Variants in TTC7B observed in about 807,000 individuals in gnomAD.
The protein encoded by TTC7B is tetratricopeptide repeat domain 7B, also known as tetratricopeptide repeat protein 7B.
Under a neutral mutation model 106.8 loss-of-function variants are expected in TTC7B, and 28 were observed. The ratio of observed to expected loss-of-function variants is 0.26; its 90% confidence interval spans 0.19 to 0.36. The LOEUF is 0.36. Ranked by LOEUF, TTC7B falls within the 10% of genes least tolerant of loss-of-function variation. The pLI, the probability that TTC7B is intolerant of heterozygous loss-of-function variation, is 1.00. For missense variants in TTC7B, 862 were observed against 1,076.4 expected (o/e 0.80, Z 2.79); for synonymous variants, 405 against 430.6 (o/e 0.94, Z 0.74).
chr14:90,726,898 C>T (rs1333130190), intron 5 of TTC7B, among the ~76,000 whole-genome samples: 1 of 152,142 alleles, frequency 6.6e-6, no homozygotes, highest in Non-Finnish European at 1.5e-5. Context: ...GATCTGGGTA[C>T]ATTCCAAGTC....
rs948834684 is a variant in TTC7B at position 90,709,592 on chromosome 14, C to T, written c.699-14014G>A. Among the ~76,000 whole-genome samples the T allele has an allele frequency of 7.3e-5, 11 of 149,774 alleles. No individual in the cohort carries two copies. In the East Asian group the frequency reaches 1.8e-3, roughly 24 times the overall value. On this transcript the variant is annotated intron_variant, in intron 5 of 19. Coordinates refer to ENST00000328459, the MANE Select transcript of TTC7B (RefSeq NM_001010854.2). ...AGGAGATATACCTAATGCTAAATGA[C>T]GAGTTAATGGGTGCAGCACACCAAC...
intron 5 of TTC7B, among the ~76,000 whole-genome samples, chr14:90,703,144 C>T (rs1411392739): frequency 1.3e-5 from 2 of 152,142 alleles, no homozygotes; most frequent in Non-Finnish European, 2.9e-5. Context: ...AGGGCGGGGT[C>T]CCCGTCAGCC....
Position 90,657,945 on chromosome 14 carries a change from T to C in TTC7B, c.1236+359A>G. ...ATCCAGTATCATGCACTGCCTAATATAACACATTGCTCAAGATAACCAACA... is the reference window on the plus strand; with the variant it reads ...ATCCAGTATCATGCACTGCCTAATACAACACATTGCTCAAGATAACCAACA... On this transcript the variant is annotated intron_variant, in intron 10 of 19. Coordinates refer to ENST00000328459, the MANE Select transcript of TTC7B (RefSeq NM_001010854.2). This position sits in a 1 kb window ranked among gnomAD's most constrained non-coding sequence, Gnocchi z 4.2. 1 of 295,580 alleles carries C rather than the reference T, an allele frequency of 3.4e-6. No individual in the cohort carries two copies. Among genetic ancestry groups the C allele is most frequent in the South Asian group, 3.3e-5 (1 of 29,912 alleles). The allele number at this position is 295,580 out of a possible 1,614,324, so 18.3% of individuals were successfully genotyped here.
chr14:90,748,494 A>AT (rs887876555), intron 3 of TTC7B, among the ~76,000 whole-genome samples: 81 of 145,746 alleles, frequency 5.6e-4, no homozygotes, highest in East Asian at 7.9e-4. Context: ...CACATGGCTA[A>AT]TTTTTTTTTT....
intron 18 of TTC7B, chr14:90,585,831 T>G (rs1232322875): frequency 6.6e-6 from 1 of 152,360 alleles, no homozygotes; most frequent in Non-Finnish European, 1.5e-5. Context: ...CCATTTGCTC[T>G]GCAACCCACA....
At chr14:90,723,614 G>A (rs1238571723) in intron 5 of TTC7B, among the ~76,000 whole-genome samples, 1 of 152,120 alleles carries the variant, frequency 6.6e-6, no homozygotes, top group Admixed American at 6.5e-5. Flanking sequence ...GCTTGACCTG[G>A]TTAGTTCCTT....
intron 19 of TTC7B, among the ~76,000 whole-genome samples, chr14:90,571,369 G>GTAGGAGT (rs1891028715): frequency 3.3e-5 from 5 of 152,072 alleles, no homozygotes; most frequent in Admixed American, 2.0e-4. Context: ...CTTTGTCCTC[G>GTAGGAGT]GCACTGTGAG....
rs1884449167 is a variant in TTC7B at position 90,626,522 on chromosome 14, C to T, written c.1752-8477G>A. On this transcript the variant is annotated intron_variant, in intron 15 of 19. Transcript: ENST00000328459. Reference sequence around the variant, plus strand: ...TTCATACTGTCACCCCCATAAAGGGCACCTGCTTGAGTCTGCAGAGCACTG... The same window carrying T: ...TTCATACTGTCACCCCCATAAAGGGTACCTGCTTGAGTCTGCAGAGCACTG... Among the ~76,000 whole-genome samples the T allele has an allele frequency of 2.0e-5, 3 of 152,206 alleles. No homozygotes were observed. The South Asian group carries it at 6.2e-4, about 32-fold the overall frequency.
intron 9 of TTC7B, 94 bp downstream of exon 9, chr14:90,676,429 G>A: frequency 2.1e-6 from 3 of 1,447,560 alleles, no homozygotes; most frequent in Non-Finnish European, 2.8e-6. Context: ...CACTAATAGA[G>A]GGGGGCCCAG....
chr14:90,729,925 C>T lies in TTC7B; in HGVS notation c.698+150G>A, dbSNP rs150125323. ...CAGGTAGAGAAGAGACAAAAACAGC[C>T]AATGTTCATTCTTTAAAAGAAAAAA... On this transcript the variant is annotated intron_variant, in intron 5 of 19. Transcript: ENST00000328459. 74 of 814,344 alleles carry T rather than the reference C, an allele frequency of 9.1e-5. 1 individual carries two copies. In the African/African-American group the frequency reaches 1.5e-3, roughly 17 times the overall value. 50.4% of individuals were successfully genotyped at this position (814,344 alleles called of 1,614,324 possible).
At chr14:90,610,886 G>A (rs1220956978) in intron 16 of TTC7B, 47 bp from the exon 17 acceptor site, 1 of 1,411,038 alleles carries the variant, frequency 7.1e-7, no homozygotes, top group Non-Finnish European at 1.0e-6. Context: ...GGTGGGAGGA[G>A]GGAAGGAAAG....
In TTC7B at chr14:90,541,354, T is replaced by A; in HGVS notation, c.*14A>T. 6.4e-7 allele frequency: 1 copy of A among 1,569,930 alleles called. No individual in the cohort carries two copies. The highest frequency in any genetic ancestry group is 8.6e-7 in the Non-Finnish European group (1 of 1,157,470). On this transcript the variant is annotated 3_prime_UTR_variant, in exon 20 of 20. Transcript: ENST00000328459. ...CTGAGGCCTGAGCGGCAGGTGAGGC[T>A]GGCAGGCGCCTGCTCAGAGCACGCG... is the stretch of plus-strand genomic sequence containing the variant.
chr14:90,542,915 T>C (rs1473197271), intron 19 of TTC7B, among the ~76,000 whole-genome samples: 2 of 152,212 alleles, frequency 1.3e-5, no homozygotes, highest in African/African-American at 2.4e-5. Flanking sequence ...CCCAAACATT[T>C]TGCAAATTTT....
At chr14:90,544,628 A>T (rs1889745812) in intron 19 of TTC7B, among the ~76,000 whole-genome samples, 1 of 152,208 alleles carries the variant, frequency 6.6e-6, no homozygotes, top group African/African-American at 2.4e-5. Flanking sequence ...GCGAGGCTGA[A>T]TGAGATCCTG....
intron 19 of TTC7B, among the ~76,000 whole-genome samples, chr14:90,549,307 G>A (rs1041068959): frequency 2.6e-5 from 4 of 152,146 alleles, no homozygotes; most frequent in Non-Finnish European, 4.4e-5. Flanking sequence ...ACGGCTCAGC[G>A]CCCACCTGAG....
At chr14:90,788,462 T>C (rs1181053855) in intron 1 of TTC7B, among the ~76,000 whole-genome samples, 1 of 152,058 alleles carries the variant, frequency 6.6e-6, no homozygotes, top group African/African-American at 2.4e-5. Context: ...ACAGAACAAA[T>C]ATGAATGTCA....
chr14:90,572,287 A>G (rs1891065175), intron 19 of TTC7B, among the ~76,000 whole-genome samples: 2 of 152,164 alleles, frequency 1.3e-5, no homozygotes, highest in South Asian at 4.1e-4. Flanking sequence ...ACTTCAGAAG[A>G]GCCACCTTCT....
chr14:90,747,459 A>G (rs972654886), intron 3 of TTC7B, among the ~76,000 whole-genome samples: 6 of 152,168 alleles, frequency 3.9e-5, no homozygotes, highest in Admixed American at 2.0e-4. Context: ...CAGTATATCA[A>G]TGCCTGATGG....
Position 90,657,299 on chromosome 14 carries a change from T to C in TTC7B, c.1237-21A>G, listed in dbSNP as rs1885990267. The C allele has an allele frequency of 6.2e-7, 1 of 1,610,050 alleles. No individual in the cohort carries two copies. The highest frequency in any genetic ancestry group is 8.5e-7 in the Non-Finnish European group (1 of 1,178,464). On this transcript the variant is annotated intron_variant, in intron 10 of 19. Coordinates refer to ENST00000328459, the MANE Select transcript of TTC7B (RefSeq NM_001010854.2). The surrounding 1 kb of genome is among the most constrained non-coding windows in gnomAD (Gnocchi z 4.2). ...GCAGACTTGGCAAGAGAAGATTATT[T>C]CCGTGAAACTCAAAGTGTTTGACAG...
Sources: allele counts gnomAD v4.1 joint callset (sites outside exome capture counted in the v4.1 genomes callset), GRCh38; gene constraint gnomAD v4.1.1; non-coding constraint Gnocchi (gnomAD v3.1); transcripts MANE v1.5; gene names NCBI Gene and HGNC (gene_info 2026-07-23, HGNC 2026-07-21).